AOPEP: variants seen among roughly 807,000 people sequenced by gnomAD.
The protein encoded by AOPEP is aminopeptidase O (putative).
A neutral mutation model predicts 98.1 loss-of-function variants in AOPEP; 77 were observed. That is an observed-to-expected ratio of 0.78 (90% CI 0.65 to 0.95). The LOEUF (loss-of-function observed/expected upper bound fraction) is 0.95. Ranked by LOEUF, AOPEP falls within the 40% of genes least tolerant of loss-of-function variation. The probability of loss-of-function intolerance (pLI) is 0.00; values close to 1 mark genes in which losing one functional copy is unlikely to be tolerated. For synonymous variants in AOPEP, 346 were observed against 365.3 expected (o/e 0.95, Z 0.60); for missense variants, 1,024 against 1,024.7 (o/e 1.00, Z 0.01).
intron 5 of AOPEP, among the ~76,000 whole-genome samples, chr9:94,810,783 G>A (rs1401163532): frequency 6.6e-6 from 1 of 152,080 alleles, no homozygotes; most frequent in Non-Finnish European, 1.5e-5. Flanking sequence ...TAAATTTTAG[G>A]CCCCCAAGCA....
chr9:95,080,890 C>G, intron 15 of AOPEP, 110 bp downstream of exon 15: 1 of 812,188 alleles, frequency 1.2e-6, no homozygotes, highest in Middle Eastern at 2.2e-4. Flanking sequence ...AAATCTGTTA[C>G]AGAGATTCTT....
chr9:94,908,211 G>A (rs979776365), intron 5 of AOPEP, among the ~76,000 whole-genome samples: 5 of 152,238 alleles, frequency 3.3e-5, no homozygotes, highest in East Asian at 1.9e-4. Context: ...ATTTTATTGC[G>A]CAGATTTTAA....
At chr9:95,144,266 G>A in the AOPEP span, among the ~76,000 whole-genome samples, 3 of 152,180 alleles carry the variant, frequency 2.0e-5, no homozygotes, top group African/African-American at 7.2e-5. Context: ...CCACTGCTTG[G>A]GGAACTTGCT....
At chr9:94,987,189 G>A (rs1254475413) in intron 11 of AOPEP, among the ~76,000 whole-genome samples, 1 of 152,214 alleles carries the variant, frequency 6.6e-6, no homozygotes, top group East Asian at 1.9e-4. Context: ...AATTCAATAG[G>A]AAAAATAGAT....
chr9:94,974,316 G>A (rs116967296), intron 10 of AOPEP, among the ~76,000 whole-genome samples: 506 of 152,304 alleles, frequency 3.3e-3, no homozygotes, highest in Non-Finnish European at 6.1e-3. Flanking sequence ...TGTCGACACT[G>A]ATACTGGAAG....
At chr9:95,111,653 A>T in the AOPEP span, 1 of 1,614,116 alleles carries the variant, frequency 6.2e-7, no homozygotes. Context: ...ACAGAGGCAG[A>T]ACACATGGCA....
rs148943698 is a variant in AOPEP, at chr9:95,084,576, C to T, written c.*4+1857C>T. On this transcript the variant is annotated intron_variant, in intron 16 of 16. Coordinates refer to ENST00000375315, the MANE Select transcript of AOPEP (RefSeq NM_001193329.3). ...GTACGTGTTAAAGTGTGTGAAACTA[C>T]AAGGCCAGCTAGTCCTTTCATCATT... Among the ~76,000 whole-genome samples the T allele has an allele frequency of 7.2e-5, 11 of 152,342 alleles. No homozygotes were observed. In the East Asian group the frequency reaches 9.6e-4, roughly 13 times the overall value.
chr9:94,816,751 G>C (rs1364748930), intron 5 of AOPEP, among the ~76,000 whole-genome samples: 1 of 152,116 alleles, frequency 6.6e-6, no homozygotes. Context: ...GTTAGGAGGT[G>C]GGGGAAGGCT....
intron 5 of AOPEP, among the ~76,000 whole-genome samples, chr9:94,832,257 T>TA (rs1470778120): frequency 6.6e-5 from 10 of 152,174 alleles, no homozygotes; most frequent in Admixed American, 3.9e-4. Context: ...GAGCTAGAGA[T>TA]AAGAACAAAC....
In AOPEP at chr9:94,829,219, C is replaced by T. The variant is rs77904891; in HGVS notation, c.1364+28217C>T. Among the ~76,000 whole-genome samples the T allele has an allele frequency of 6.9e-3, 1,046 of 152,030 alleles. 8 individuals carry two copies. Among genetic ancestry groups the T allele is most frequent in the African/African-American group, 0.023 (968 of 41,444 alleles). ...TTACACACACACACACACACGCACACGCACACACACACATAATTACATATA... is the reference window on the plus strand; with the variant it reads ...TTACACACACACACACACACGCACATGCACACACACACATAATTACATATA... On this transcript the variant is annotated intron_variant, in intron 5 of 16. Transcript: ENST00000375315.
intron 11 of AOPEP, among the ~76,000 whole-genome samples, chr9:94,983,825 G>A (rs1407089421): frequency 6.6e-6 from 1 of 151,730 alleles, no homozygotes; most frequent in African/African-American, 2.4e-5. Context: ...GTTTCTCTCT[G>A]TATCTGTCCC....
At chr9:95,033,281 C>T (rs1389796132) in intron 13 of AOPEP, among the ~76,000 whole-genome samples, 3 of 152,136 alleles carry the variant, frequency 2.0e-5, no homozygotes, top group African/African-American at 7.2e-5. Flanking sequence ...TCTCCTCCAC[C>T]TGTTTGTTCT....
intron 13 of AOPEP, among the ~76,000 whole-genome samples, chr9:95,029,509 AC>A (rs2133338877): frequency 6.6e-6 from 1 of 152,056 alleles, no homozygotes; most frequent in East Asian, 1.9e-4. Context: ...CTGGGCCCTC[AC>A]ACCTGCCATC....
intron 5 of AOPEP, among the ~76,000 whole-genome samples, chr9:94,813,248 C>T (rs1851009168): frequency 6.6e-6 from 1 of 152,134 alleles, no homozygotes; most frequent in African/African-American, 2.4e-5. Flanking sequence ...TGATTGCTCC[C>T]TCATTTTAAT....
intron 13 of AOPEP, among the ~76,000 whole-genome samples, chr9:95,023,440 C>A (rs1353347828): frequency 1.3e-5 from 2 of 152,184 alleles, no homozygotes; most frequent in African/African-American, 4.8e-5. Context: ...CCAGGCAGAC[C>A]CAGGAAGCTG....
intron 9 of AOPEP, among the ~76,000 whole-genome samples, chr9:94,964,863 A>T (rs1322542202): frequency 7.3e-5 from 11 of 151,520 alleles, no homozygotes; most frequent in African/African-American, 1.2e-4. Context: ...CTGGTCTCGA[A>T]CTCCTTACCT....
intron 1 of AOPEP, among the ~76,000 whole-genome samples, chr9:94,732,995 A>AT (rs924490589): frequency 9.2e-5 from 14 of 151,632 alleles, no homozygotes; most frequent in African/African-American, 2.4e-4. Flanking sequence ...TTTATAACAA[A>AT]TTTTTTTTTG....
chr9:95,113,429 A>G, the AOPEP span, among the ~76,000 whole-genome samples: 1 of 152,176 alleles, frequency 6.6e-6, no homozygotes, highest in African/African-American at 2.4e-5. Flanking sequence ...GATACAAGGA[A>G]TTTAGCAAGG....
intron 7 of AOPEP, among the ~76,000 whole-genome samples, chr9:94,931,071 G>T (rs561173502): frequency 1.3e-5 from 2 of 152,198 alleles, no homozygotes; most frequent in Non-Finnish European, 1.5e-5. Flanking sequence ...GTGGGGTAGG[G>T]GCATCTCAGT....
Sources: gnomAD v4.1 joint callset for allele counts (sites outside exome capture counted in the v4.1 genomes callset) on GRCh38, gnomAD v4.1.1 for gene constraint, MANE v1.5 for transcripts, NCBI Gene and HGNC (gene_info 2026-07-23, HGNC 2026-07-21) for gene names.